MACROD2: variants seen among roughly 807,000 people sequenced by gnomAD.
The protein encoded by MACROD2 is ADP-ribose glycohydrolase MACROD2.
Under a neutral mutation model 70.4 loss-of-function variants are expected in MACROD2, and 36 were observed. That is an observed-to-expected ratio of 0.51 (90% CI 0.39 to 0.68). The LOEUF (loss-of-function observed/expected upper bound fraction) is 0.68. Ranked by LOEUF, MACROD2 falls within the 30% of genes least tolerant of loss-of-function variation. The pLI is 0.00. For missense variants in MACROD2, 496 were observed against 538.4 expected (o/e 0.92, Z 0.78); for synonymous variants, 172 against 178.8 (o/e 0.96, Z 0.30).
intron 2 of MACROD2, among the ~76,000 whole-genome samples, chr20:14,080,688 T>TG (rs901582076): frequency 6.6e-6 from 1 of 151,084 alleles, no homozygotes; most frequent in South Asian, 2.1e-4. Context: ...TCCTGTTCAT[T>TG]TTTTTTTTAG....
intron 3 of MACROD2, among the ~76,000 whole-genome samples, chr20:14,291,688 C>T (rs1233573298): frequency 1.3e-5 from 2 of 151,896 alleles, no homozygotes; most frequent in African/African-American, 4.9e-5. Context: ...TCACATTTGT[C>T]CACACCCTGT....
chr20:15,060,179 G>A (rs529408665), intron 5 of MACROD2, among the ~76,000 whole-genome samples: 14 of 152,302 alleles, frequency 9.2e-5, no homozygotes, highest in African/African-American at 3.4e-4. Flanking sequence ...AACGTTTCAA[G>A]TTGGTTAAGC....
intron 15 of MACROD2, among the ~76,000 whole-genome samples, chr20:16,028,840 A>G (rs1273413511): frequency 6.6e-6 from 1 of 152,230 alleles, no homozygotes; most frequent in Admixed American, 6.5e-5. Flanking sequence ...TGGAAAAAAC[A>G]GACTAGGTGA....
chr20:15,777,494 TTTCCTTCCTTCCTTCTTTCCTTCC>T (rs1267040617), intron 8 of MACROD2, among the ~76,000 whole-genome samples: 2,324 of 140,784 alleles, frequency 0.017, 148 homozygotes, highest in African/African-American at 0.054. Context: ...GATTCTTTTT[TTTCCTTCCTTCCTTCTTTCCTTCC>T]TTCCTTCCTT....
At chr20:15,349,943 T>A (rs1311772860) in intron 6 of MACROD2, among the ~76,000 whole-genome samples, 2 of 152,064 alleles carry the variant, frequency 1.3e-5, no homozygotes, top group Non-Finnish European at 2.9e-5. Context: ...CTGCAGCCAC[T>A]CCCACCCTCT....
At chr20:15,852,883 C>T (rs572211994) in intron 8 of MACROD2, among the ~76,000 whole-genome samples, 10 of 152,292 alleles carry the variant, frequency 6.6e-5, no homozygotes, top group African/African-American at 1.2e-4. Context: ...GTGTGGCACA[C>T]ACCTGTAGAC....
intron 5 of MACROD2, among the ~76,000 whole-genome samples, chr20:14,819,165 C>T (rs537313090): frequency 1.3e-5 from 2 of 151,822 alleles, no homozygotes; most frequent in South Asian, 2.1e-4. Context: ...ACTTGGGAAG[C>T]TGAAGCAGTA....
chr20:15,185,358 G>T (rs892896340), intron 5 of MACROD2, among the ~76,000 whole-genome samples: 1 of 152,066 alleles, frequency 6.6e-6, no homozygotes, highest in Admixed American at 6.6e-5. Context: ...GTCTATGGTG[G>T]CTCATTCTAT....
intron 6 of MACROD2, among the ~76,000 whole-genome samples, chr20:15,316,079 G>C (rs1350301448): frequency 5.7e-5 from 8 of 141,310 alleles, no homozygotes; most frequent in Admixed American, 4.9e-4. Context: ...AAAGAAATAA[G>C]GAAGAAGTAA....
At chr20:15,729,463 T>C (rs1002952983) in intron 8 of MACROD2, among the ~76,000 whole-genome samples, 3 of 152,180 alleles carry the variant, frequency 2.0e-5, no homozygotes, top group Admixed American at 6.5e-5. Context: ...GTCAGTGATC[T>C]GTCTAATAAT....
At position 15,860,104 on chromosome 20, in the gene MACROD2, C is replaced by T. The variant is rs1277644705; in HGVS notation, c.646-2641C>T. Among the ~76,000 whole-genome samples, 4 of 152,200 alleles carry T rather than the reference C, an allele frequency of 2.6e-5. 1 individual carries two copies. The South Asian group carries it at 6.2e-4, about 24-fold the overall frequency. Reference sequence around the variant, plus strand: ...GAGCTGAGATCGCGCCACTGCCCTCCAACCTGGGCAGCAGAGCAAGACTCC... The same window carrying T: ...GAGCTGAGATCGCGCCACTGCCCTCTAACCTGGGCAGCAGAGCAAGACTCC... On this transcript the variant is annotated intron_variant, in intron 8 of 17. Coordinates refer to ENST00000684519, the MANE Select transcript of MACROD2 (RefSeq NM_001351661.2).
At chr20:15,024,969 C>T (rs977642457) in intron 5 of MACROD2, among the ~76,000 whole-genome samples, 1 of 152,094 alleles carries the variant, frequency 6.6e-6, no homozygotes, top group South Asian at 2.1e-4. Flanking sequence ...GTTTAAATCA[C>T]GATTCTTTAT....
intron 5 of MACROD2, among the ~76,000 whole-genome samples, chr20:15,192,014 GTATC>G (rs71190179): frequency 0.12 from 17,112 of 146,336 alleles, 1,337 homozygotes; most frequent in African/African-American, 0.22. Context: ...TATTAACTAT[GTATC>G]TATCTATCTA....
At chr20:14,085,835 G>C in intron 3 of MACROD2, 107 bp downstream of exon 3, 1 of 580,644 alleles carries the variant, frequency 1.7e-6, no homozygotes, top group Non-Finnish European at 2.8e-6. Context: ...TTTTGACGTA[G>C]AAATGTCTAT....
In MACROD2 at chr20:14,675,816, A is replaced by G. The variant is rs554500170; in HGVS notation, c.302-9027A>G. ...GTTCAGGAGACCCATCTCATGTGCAAAGACACACATAGGCTCAAAATAAAG... is the reference window on the plus strand; with the variant it reads ...GTTCAGGAGACCCATCTCATGTGCAGAGACACACATAGGCTCAAAATAAAG... On this transcript the variant is annotated intron_variant, in intron 4 of 17. Coordinates refer to ENST00000684519, the MANE Select transcript of MACROD2 (RefSeq NM_001351661.2). Among the ~76,000 whole-genome samples, 4 of 152,228 alleles carry G rather than the reference A, an allele frequency of 2.6e-5. No homozygotes were observed. The South Asian group carries it at 8.3e-4, about 32-fold the overall frequency.
At chr20:15,019,460 A>G (rs1253690132) in intron 5 of MACROD2, among the ~76,000 whole-genome samples, 1 of 152,170 alleles carries the variant, frequency 6.6e-6, no homozygotes, top group Non-Finnish European at 1.5e-5. Context: ...GACCCACATG[A>G]GAAGCAGAGA....
chr20:14,050,971 A>T (rs1294135552), intron 2 of MACROD2, among the ~76,000 whole-genome samples: 2 of 152,230 alleles, frequency 1.3e-5, no homozygotes, highest in Admixed American at 6.5e-5. Context: ...AACTAAGTAC[A>T]ATACCTAATG....
chr20:14,511,791 G>T (rs2085033552), intron 4 of MACROD2, among the ~76,000 whole-genome samples: 1 of 151,920 alleles, frequency 6.6e-6, no homozygotes. Context: ...CCTATTACAT[G>T]TGTGATTTAG....
intron 8 of MACROD2, among the ~76,000 whole-genome samples, chr20:15,808,798 C>A (rs1282105076): frequency 6.6e-6 from 1 of 152,138 alleles, no homozygotes; most frequent in African/African-American, 2.4e-5. Context: ...AATTAGGAGG[C>A]TCATATTCCA....
Sources: gnomAD v4.1 joint callset for allele counts (sites outside exome capture counted in the v4.1 genomes callset) on GRCh38, gnomAD v4.1.1 for gene constraint, MANE v1.5 for transcripts, NCBI Gene and HGNC (gene_info 2026-07-23, HGNC 2026-07-21) for gene names.